KIAA1217: variants seen among roughly 807,000 people sequenced by gnomAD.
KIAA1217 encodes sickle tail protein homolog.
In KIAA1217, 88 loss-of-function variants were observed where a neutral mutation model predicts 163.9. The ratio of observed to expected loss-of-function variants is 0.54; its 90% CI spans 0.45 to 0.64. The LOEUF (loss-of-function observed/expected upper bound fraction) is 0.64, where lower values mean the gene tolerates loss of function less well. KIAA1217 is among the 30% of genes least tolerant of loss of function. The pLI is 0.00. For synonymous variants in KIAA1217, 903 were observed against 923.1 expected, an observed-to-expected ratio of 0.98 and a Z score of 0.39; for missense variants, 2,372 against 2,475.0, an observed-to-expected ratio of 0.96 and a Z score of 0.88.
intron 6 of KIAA1217, among the ~76,000 whole-genome samples, chr10:24,489,513 C>T (rs1001008572): frequency 2.6e-5 from 4 of 151,326 alleles, no homozygotes; most frequent in Non-Finnish European, 4.4e-5. Context: ...CTTAGTGACA[C>T]TTTGGTCAGT....
At chr10:24,154,007 G>C (rs2064753769) in intron 2 of KIAA1217, among the ~76,000 whole-genome samples, 1 of 150,546 alleles carries the variant, frequency 6.6e-6, no homozygotes. Context: ...GCCCAGGCTG[G>C]AGTGCAGTGG....
At chr10:24,147,362 A>G (rs1043976243) in intron 2 of KIAA1217, among the ~76,000 whole-genome samples, 3 of 152,166 alleles carry the variant, frequency 2.0e-5, no homozygotes, top group African/African-American at 4.8e-5. Context: ...AAAGTGATCT[A>G]TATTGTCAAT....
chr10:23,782,143 A>G (rs1004651527), intron 1 of KIAA1217, among the ~76,000 whole-genome samples: 1 of 152,088 alleles, frequency 6.6e-6, no homozygotes, highest in African/African-American at 2.4e-5. Context: ...GTGTCTGTAT[A>G]TTGCTAAGGG....
chr10:24,368,866 G>A (rs2051162905), intron 2 of KIAA1217: 2 of 984,118 alleles, frequency 2.0e-6, no homozygotes, highest in Non-Finnish European at 2.4e-6. Context: ...TAAATGGTTG[G>A]CATCTTTTAT....
intron 2 of KIAA1217, among the ~76,000 whole-genome samples, chr10:24,234,017 A>C (rs969285264): frequency 6.6e-6 from 1 of 152,118 alleles, no homozygotes; most frequent in Admixed American, 6.5e-5. Flanking sequence ...AACTTTTTAA[A>C]AATATTATCT....
intron 1 of KIAA1217, among the ~76,000 whole-genome samples, chr10:23,992,531 C>T (rs1846262200): frequency 6.6e-6 from 1 of 151,960 alleles, no homozygotes. Flanking sequence ...GGTTGAAGAC[C>T]CCCCAGGATA....
chr10:24,473,078 AG>A, intron 5 of KIAA1217, 149 bp from the exon 6 acceptor site: 1 of 551,408 alleles, frequency 1.8e-6, no homozygotes, highest in Non-Finnish European at 3.1e-6. Flanking sequence ...CCATCTGCAA[AG>A]TCTCTTTTGC....
chr10:23,761,717 G>T (rs1236185586), intron 1 of KIAA1217, among the ~76,000 whole-genome samples: 3 of 152,138 alleles, frequency 2.0e-5, no homozygotes, highest in African/African-American at 7.2e-5. Flanking sequence ...GCACTGAAAA[G>T]AATGTATATT....
intron 2 of KIAA1217, among the ~76,000 whole-genome samples, chr10:24,109,057 C>T (rs1041617191): frequency 6.6e-6 from 1 of 152,148 alleles, no homozygotes; most frequent in Non-Finnish European, 1.5e-5. Context: ...CTCTTGAACT[C>T]CTGACCTCAA....
chr10:24,473,165 C>G (rs1047395821), intron 5 of KIAA1217, 63 bp from the exon 6 acceptor site: 129 of 1,183,668 alleles, frequency 1.1e-4, no homozygotes, highest in Non-Finnish European at 1.5e-4. Flanking sequence ...CGGTTACACA[C>G]TGAGACTTCT....
chr10:24,341,175 C>T (rs952412955), intron 2 of KIAA1217, among the ~76,000 whole-genome samples: 4 of 152,216 alleles, frequency 2.6e-5, no homozygotes, highest in Admixed American at 2.6e-4. Context: ...TCTCCCCGGG[C>T]TGAAGTTGGA....
At chr10:23,922,894 A>G (rs1446390206) in intron 1 of KIAA1217, among the ~76,000 whole-genome samples, 1 of 152,174 alleles carries the variant, frequency 6.6e-6, no homozygotes, top group Non-Finnish European at 1.5e-5. Context: ...TTAAAAACAA[A>G]CCAAAACAAA....
intron 1 of KIAA1217, among the ~76,000 whole-genome samples, chr10:23,862,642 G>C (rs1840007548): frequency 6.6e-6 from 1 of 152,104 alleles, no homozygotes; most frequent in African/African-American, 2.4e-5. Flanking sequence ...AGTTCAGGTT[G>C]TAAAGATCCA....
At chr10:24,016,620 T>C (rs1399222187) in intron 2 of KIAA1217, among the ~76,000 whole-genome samples, 1 of 152,136 alleles carries the variant, frequency 6.6e-6, no homozygotes, top group African/African-American at 2.4e-5. Context: ...TGTAGTATAG[T>C]ATAATATTGT....
chr10:24,096,368 G>A (rs2062161674), intron 2 of KIAA1217, among the ~76,000 whole-genome samples: 1 of 151,956 alleles, frequency 6.6e-6, no homozygotes, highest in African/African-American at 2.4e-5. Flanking sequence ...CCTGGTCCAG[G>A]GTGCCACCAC....
At chr10:23,973,829 A>C (rs1415012446) in intron 1 of KIAA1217, among the ~76,000 whole-genome samples, 2 of 152,148 alleles carry the variant, frequency 1.3e-5, no homozygotes, top group African/African-American at 4.8e-5. Flanking sequence ...GGAAAAAAAA[A>C]TATGACTTGG....
At chr10:24,474,158 A>T (rs1160636214) in intron 6 of KIAA1217, 98 bp downstream of exon 6, 1 of 857,498 alleles carries the variant, frequency 1.2e-6, no homozygotes, top group Admixed American at 2.8e-5. Flanking sequence ...ATGTCTGAGC[A>T]CCCATCTCTG....
intron 1 of KIAA1217, among the ~76,000 whole-genome samples, chr10:23,878,008 A>G (rs1840773518): frequency 6.6e-6 from 1 of 151,940 alleles, no homozygotes; most frequent in Non-Finnish European, 1.5e-5. Flanking sequence ...CAGCCAGTGC[A>G]GAGAAGTTAC....
intron 2 of KIAA1217, among the ~76,000 whole-genome samples, chr10:24,085,899 G>A (rs2061682769): frequency 6.6e-6 from 1 of 152,076 alleles, no homozygotes; most frequent in Non-Finnish European, 1.5e-5. Flanking sequence ...CTTAAGCAGA[G>A]GAGGTTGAGG....
Sources: allele counts gnomAD v4.1 joint callset (sites outside exome capture counted in the v4.1 genomes callset), GRCh38; gene constraint gnomAD v4.1.1; transcripts MANE v1.5; gene names NCBI Gene and HGNC (gene_info 2026-07-23, HGNC 2026-07-21).